TMEM167B: variants seen among roughly 807,000 people sequenced by gnomAD.
TMEM167B encodes the protein transmembrane protein 167B, also known as protein kish-B.
TMEM167B carries 2 observed loss-of-function variants against 9.4 expected under a neutral mutation model. That is an observed-to-expected ratio of 0.21 (90% CI 0.09 to 0.67). The LOEUF (loss-of-function observed/expected upper bound fraction) is 0.67. Ranked by LOEUF, TMEM167B falls within the 30% of genes least tolerant of loss-of-function variation. The pLI is 0.82. For synonymous variants in TMEM167B, 28 were observed against 32.0 expected (o/e 0.87, Z 0.42); for missense variants, 68 against 87.6 (o/e 0.78, Z 0.89).
chr1:109,094,548 A>G lies in TMEM167B; in HGVS notation c.*49A>G. 6.3e-7 allele frequency: 1 copy of G among 1,590,802 alleles called. No homozygotes were observed. The highest frequency in any genetic ancestry group is 8.6e-7 in the Non-Finnish European group (1 of 1,160,136). ...ACTGCCAACCAAGGGGACGGGGATG[A>G]AGAACCTGTTGGAGACCTGAACCCA... On this transcript the variant is annotated 3_prime_UTR_variant, in exon 3 of 3. Transcript: ENST00000338272.
chr1:109,095,570 T>C lies in TMEM167B; in HGVS notation c.*1071T>C, dbSNP rs2102130099. 1 of 152,342 alleles carries C rather than the reference T, an allele frequency of 6.6e-6. No homozygotes were observed. The allele number at this position is 152,342 out of a possible 1,614,324, so 9.4% of individuals were successfully genotyped here. On this transcript the variant is annotated 3_prime_UTR_variant, in exon 3 of 3. Transcript: ENST00000338272. ...TGGCAATTTTTAGTTGATTACTTAT[T>C]TTTCTTAGCCAAATTTTAATTTTCT...
Position 109,090,802 on chromosome 1 carries a change from G to A in TMEM167B, c.-71G>A. 1 of 1,547,310 alleles carries A rather than the reference G, an allele frequency of 6.5e-7. No homozygotes were observed. On this transcript the variant is annotated 5_prime_UTR_variant, in exon 1 of 3. Coordinates refer to ENST00000338272, the MANE Select transcript of TMEM167B (RefSeq NM_020141.4). ...CGGCCCGGATCGGGAAGTGTCAAGC[G>A]GGCGCTCCCCCATCTCCGCCGCTAT...
In TMEM167B at chr1:109,093,934, C is replaced by T. The variant is rs560029751; in HGVS notation, c.143-483C>T. ...GGCAGATCACCCAAGGTCAGGAGTT[C>T]GAGACCAGCCTGGCCAACATGGTGA... On this transcript the variant is annotated intron_variant, in intron 2 of 2. Transcript: ENST00000338272. 9.9e-5 allele frequency among the ~76,000 whole-genome samples: 15 copies of T among 152,210 alleles called. No homozygotes were observed. In the South Asian group the frequency reaches 1.5e-3, roughly 15 times the overall value.
In TMEM167B at chr1:109,095,465, A is replaced by G. The variant is rs894821518; in HGVS notation, c.*966A>G. The G allele has an allele frequency of 2.6e-5, 4 of 152,206 alleles. No homozygotes were observed. The highest frequency in any genetic ancestry group is 2.9e-5 in the Non-Finnish European group (2 of 68,044). The allele number at this position is 152,206 out of a possible 1,614,324, so 9.4% of individuals were successfully genotyped here. ...ATATACTAGTAAATTCATCTAGTAT[A>G]AGAACTTGTGATGTTAGATTGAAGT... On this transcript the variant is annotated 3_prime_UTR_variant, in exon 3 of 3. Coordinates refer to ENST00000338272, the MANE Select transcript of TMEM167B (RefSeq NM_020141.4).
chr1:109,091,832 C>T (rs1664457708), intron 1 of TMEM167B: 1 of 152,168 alleles, frequency 6.6e-6, no homozygotes, highest in Non-Finnish European at 1.5e-5. Flanking sequence ...GACAGTTTTA[C>T]TGGAGGAAGA....
chr1:109,093,771 T>C (rs1664506735), intron 2 of TMEM167B: 1 of 152,246 alleles, frequency 6.6e-6, no homozygotes, highest in African/African-American at 2.4e-5. Flanking sequence ...CCTAAATTTT[T>C]TTTTGAAAAA....
Position 109,090,768 on chromosome 1 carries a change from C to A in TMEM167B, c.-105C>A. ...TGCTCCTGCGTACTACGGCTTCTTCCAGTCACCTCGGCCCGGATCGGGAAG... is the reference window on the plus strand; with the variant it reads ...TGCTCCTGCGTACTACGGCTTCTTCAAGTCACCTCGGCCCGGATCGGGAAG... On this transcript the variant is annotated 5_prime_UTR_variant, in exon 1 of 3. Transcript: ENST00000338272. 7.0e-7 allele frequency: 1 copy of A among 1,429,960 alleles called. No individual in the cohort carries two copies. The highest frequency in any genetic ancestry group is 9.6e-7 in the Non-Finnish European group (1 of 1,036,394). The allele number at this position is 1,429,960 out of a possible 1,614,324, so 88.6% of individuals were successfully genotyped here. A position where few individuals can be genotyped will look rare whatever the true frequency, so the allele number is the denominator to read the frequency against.
intron 1 of TMEM167B, among the ~76,000 whole-genome samples, chr1:109,092,179 T>C (rs536459446): frequency 6.6e-6 from 1 of 152,344 alleles, no homozygotes; most frequent in East Asian, 1.9e-4. Context: ...CCTTAGATAC[T>C]TTTTCTTTGT....
intron 1 of TMEM167B, among the ~76,000 whole-genome samples, chr1:109,091,367 A>G (rs895107910): frequency 6.6e-6 from 1 of 152,194 alleles, no homozygotes; most frequent in African/African-American, 2.4e-5. Context: ...AATACCGGAA[A>G]GATTTCTGAT....
chr1:109,092,998 G>C lies in TMEM167B; in HGVS notation c.119G>C (p.Gly40Ala). Residue 40 changes from glycine (G) to alanine (A), a missense_variant, in exon 2 of 3, where the codon GGT becomes GCT. Physicochemically the swap from Gly to Ala is moderately conservative, Grantham distance 60. Transcript: ENST00000338272. ...LKTWLLSEKK[G>A]VWGVFYKAAV... is the part of the protein sequence containing the mutation. ...ACCTGGCTGCTATCAGAGAAGAAGG[G>C]TGTTTGGGGTGTGTTTTACAAAGGT... is the stretch of plus-strand genomic sequence containing the variant. 6.8e-6 allele frequency: 11 copies of C among 1,614,148 alleles called. No individual in the cohort carries two copies. The highest frequency in any genetic ancestry group is 9.3e-6 in the Non-Finnish European group (11 of 1,180,028).
chr1:109,093,076 C>G, intron 2 of TMEM167B, 55 bp downstream of exon 2: 2 of 1,604,852 alleles, frequency 1.2e-6, no homozygotes, highest in Non-Finnish European at 1.7e-6. Context: ...CAGTGTGGAG[C>G]TACAAAGTAG....
chr1:109,094,564 C>A lies in TMEM167B; in HGVS notation c.*65C>A. ...ACGGGGATGAAGAACCTGTTGGAGA[C>A]CTGAACCCAGTGTAGGAGAGTTCAG... On this transcript the variant is annotated 3_prime_UTR_variant, in exon 3 of 3. Coordinates refer to ENST00000338272, the MANE Select transcript of TMEM167B (RefSeq NM_020141.4). 1 of 1,511,388 alleles carries A rather than the reference C, an allele frequency of 6.6e-7. No individual in the cohort carries two copies. The highest frequency in any genetic ancestry group is 9.2e-7 in the Non-Finnish European group (1 of 1,088,624). 93.6% of individuals were successfully genotyped at this position (1,511,388 alleles called of 1,614,324 possible).
In TMEM167B at chr1:109,094,661, C is replaced by T. The variant is rs955647208; in HGVS notation, c.*162C>T. 4.6e-6 allele frequency: 3 copies of T among 653,194 alleles called. No homozygotes were observed. Among genetic ancestry groups the T allele is most frequent in the East Asian group, 2.7e-5 (1 of 37,252 alleles). The allele number at this position is 653,194 out of a possible 1,614,324, so 40.5% of individuals were successfully genotyped here. ...TATATGTGGGGAAAACTCATGGTCA[C>T]GAACATTATTTATGCTTCAGGGGAC... is the stretch of plus-strand genomic sequence containing the variant. On this transcript the variant is annotated 3_prime_UTR_variant, in exon 3 of 3. Transcript: ENST00000338272.
At chr1:109,093,050 G>C (rs1403888398) in intron 2 of TMEM167B, 29 bp downstream of exon 2, 5 of 1,613,528 alleles carry the variant, frequency 3.1e-6, no homozygotes, top group East Asian at 4.5e-5. Flanking sequence ...AGGGAGAAGA[G>C]ACTGCCATCT....
chr1:109,094,290 A>G, intron 2 of TMEM167B, 127 bp from the exon 3 acceptor site: 1 of 936,376 alleles, frequency 1.1e-6, no homozygotes, highest in Non-Finnish European at 1.6e-6. Context: ...AAAATAAAAT[A>G]AAAACATCCC....
At position 109,095,948 on chromosome 1, in the gene TMEM167B, A is replaced by G. The variant is rs1034516928; in HGVS notation, c.*1449A>G. 2 of 152,230 alleles carry G rather than the reference A, an allele frequency of 1.3e-5. No individual in the cohort carries two copies. Among genetic ancestry groups the G allele is most frequent in the Non-Finnish European group, 2.9e-5 (2 of 68,034 alleles). The allele number at this position is 152,230 out of a possible 1,614,324, so 9.4% of individuals were successfully genotyped here. On this transcript the variant is annotated 3_prime_UTR_variant, in exon 3 of 3. Coordinates refer to ENST00000338272, the MANE Select transcript of TMEM167B (RefSeq NM_020141.4). ...GGTCTAAAATTAAATTATTATAAGC[A>G]AGCATAGACATGGGTCTTCCAGTTG...
chr1:109,095,811 C>G lies in TMEM167B; in HGVS notation c.*1312C>G, dbSNP rs1180116122. ...ATGGAGTTAGTAACTCCTGAGCAGA[C>G]CATTTTAGATGGCTCAGCATTTGGC... On this transcript the variant is annotated 3_prime_UTR_variant, in exon 3 of 3. Coordinates refer to ENST00000338272, the MANE Select transcript of TMEM167B (RefSeq NM_020141.4). The G allele has an allele frequency of 6.6e-6, 1 of 152,106 alleles. No homozygotes were observed. Among genetic ancestry groups the G allele is most frequent in the Non-Finnish European group, 1.5e-5 (1 of 68,032 alleles). 9.4% of individuals were successfully genotyped at this position (152,106 alleles called of 1,614,324 possible).
At chr1:109,092,652 G>C (rs186114053) in intron 1 of TMEM167B, among the ~76,000 whole-genome samples, 38 of 152,194 alleles carry the variant, frequency 2.5e-4, no homozygotes, top group African/African-American at 8.9e-4. Context: ...GTTCATTGCA[G>C]CCTCGAACTC....
chr1:109,094,770 G>A lies in TMEM167B; in HGVS notation c.*271G>A, dbSNP rs1334497005. On this transcript the variant is annotated 3_prime_UTR_variant, in exon 3 of 3. Coordinates refer to ENST00000338272, the MANE Select transcript of TMEM167B (RefSeq NM_020141.4). ...AATGTCCGGATAAATTACACCCCTC[G>A]GTGATAAGATTACATACCTCCTTCA... is the stretch of plus-strand genomic sequence containing the variant. 3.5e-5 allele frequency: 14 copies of A among 403,158 alleles called. No individual in the cohort carries two copies. Among genetic ancestry groups the A allele is most frequent in the Admixed American group, 1.7e-4 (4 of 23,752 alleles). The allele number at this position is 403,158 out of a possible 1,614,324, so 25.0% of individuals were successfully genotyped here.
Sources: allele counts gnomAD v4.1 joint callset (sites outside exome capture counted in the v4.1 genomes callset), GRCh38; gene constraint gnomAD v4.1.1; transcripts MANE v1.5; gene names NCBI Gene and HGNC (gene_info 2026-07-23, HGNC 2026-07-21).